The following PKP1 variants were observed in gnomAD, a reference collection of about 807,000 sequenced individuals.
PKP1 encodes plakophilin 1.
PKP1 carries 27 observed loss-of-function variants against 76.4 expected under a neutral mutation model. The observed-to-expected ratio is 0.35, with a 90% CI of 0.26 to 0.49. The LOEUF is 0.49. Ranked by LOEUF, PKP1 falls within the 20% of genes least tolerant of loss-of-function variation. PKP1 has a pLI of 0.99. For missense variants in PKP1, 964 were observed against 955.2 expected, an observed-to-expected ratio of 1.01 and a Z score of -0.12; for synonymous variants, 404 against 384.2, an observed-to-expected ratio of 1.05 and a Z score of -0.60.
chr1:201,317,439 T>C lies in PKP1; in HGVS notation c.847-133T>C, dbSNP rs1571557669. 5.8e-5 allele frequency: 46 copies of C among 793,938 alleles called. No homozygotes were observed. The East Asian group carries it at 1.2e-3, about 21-fold the overall frequency. The allele number at this position is 793,938 out of a possible 1,614,324, so 49.2% of individuals were successfully genotyped here. A position where few individuals can be genotyped will look rare whatever the true frequency, so the allele number is the denominator to read the frequency against. On this transcript the variant is annotated intron_variant, in intron 4 of 13. Transcript: ENST00000367324. Reference sequence around the variant, plus strand: ...TTATCATGACCTCACACTGCTTATTTATTTTGGTTGACTTGAATATTTCTG... The same window carrying C: ...TTATCATGACCTCACACTGCTTATTCATTTTGGTTGACTTGAATATTTCTG...
chr1:201,283,509 G>T lies in PKP1; in HGVS notation c.-194G>T. 1.5e-6 allele frequency: 1 copy of T among 647,196 alleles called. No homozygotes were observed. The highest frequency in any genetic ancestry group is 2.8e-6 in the Non-Finnish European group (1 of 358,388). The allele number at this position is 647,196 out of a possible 1,614,324, so 40.1% of individuals were successfully genotyped here. On this transcript the variant is annotated 5_prime_UTR_variant, in exon 1 of 14. Coordinates refer to ENST00000367324, the MANE Select transcript of PKP1 (RefSeq NM_001005337.3). The stretch of plus-strand genomic sequence containing the variant: ...CTGACGGAGGGCGGGCCTCGCCAGT[G>T]CCAGAGAGGGACGAACCAGGGTGGA...
chr1:201,286,012 G>T (rs1274993013), intron 1 of PKP1, among the ~76,000 whole-genome samples: 1 of 152,240 alleles, frequency 6.6e-6, no homozygotes, highest in Non-Finnish European at 1.5e-5. Flanking sequence ...AGGCGGTTTG[G>T]TCACTTGGAG....
intron 12 of PKP1, 46 bp from the exon 13 acceptor site, chr1:201,328,716 C>T (rs1657222484): frequency 1.3e-6 from 2 of 1,550,050 alleles, no homozygotes; most frequent in African/African-American, 2.7e-5. Flanking sequence ...CCACAGCAAG[C>T]CCCACACAGT....
chr1:201,322,860 G>T (rs1571562352), intron 8 of PKP1, among the ~76,000 whole-genome samples, 153 bp from the exon 9 acceptor site: 1 of 152,194 alleles, frequency 6.6e-6, no homozygotes, highest in Non-Finnish European at 1.5e-5. Flanking sequence ...GTGCAGCGGG[G>T]CTGTCCTGGG....
chr1:201,285,049 AT>A (rs922936776), intron 1 of PKP1, among the ~76,000 whole-genome samples: 4 of 151,978 alleles, frequency 2.6e-5, no homozygotes, highest in African/African-American at 9.7e-5. Flanking sequence ...TTGTTTATTT[AT>A]TTACTTATTT....
intron 6 of PKP1, 50 bp from the exon 7 acceptor site, chr1:201,320,217 T>C: frequency 9.5e-7 from 1 of 1,054,392 alleles, no homozygotes; most frequent in East Asian, 2.7e-5. Flanking sequence ...ACCTTCCCCG[T>C]TCTCTCTTCC....
intron 6 of PKP1, 51 bp from the exon 7 acceptor site, chr1:201,320,216 G>T (rs781773822): frequency 2.9e-6 from 3 of 1,024,674 alleles, no homozygotes; most frequent in East Asian, 2.9e-5. Context: ...CACCTTCCCC[G>T]TTCTCTCTTC....
At chr1:201,329,566 G>A (rs1657255500) in intron 13 of PKP1, among the ~76,000 whole-genome samples, 1 of 152,214 alleles carries the variant, frequency 6.6e-6, no homozygotes, top group Admixed American at 6.5e-5. Context: ...CACCCCTAGA[G>A]AGGGGCCTCA....
At chr1:201,316,325 G>A in intron 3 of PKP1, 1 of 565,504 alleles carries the variant, frequency 1.8e-6, no homozygotes, top group Non-Finnish European at 3.2e-6. Flanking sequence ...TGTGACCAGG[G>A]GCTCACTATT....
chr1:201,316,222 G>A lies in PKP1; in HGVS notation c.702-331G>A. The stretch of plus-strand genomic sequence containing the variant: ...TTTTCCTAATACCAGACACAAACAA[G>A]AGAGATGGCAAGGTAGGTGGGAAGC... On this transcript the variant is annotated intron_variant, in intron 3 of 13. Coordinates refer to ENST00000367324, the MANE Select transcript of PKP1 (RefSeq NM_001005337.3). 3 of 294,048 alleles carry A rather than the reference G, an allele frequency of 1.0e-5. No homozygotes were observed. The South Asian group carries it at 2.0e-4, about 20-fold the overall frequency. 18.2% of individuals were successfully genotyped at this position (294,048 alleles called of 1,614,324 possible).
intron 10 of PKP1, among the ~76,000 whole-genome samples, 169 bp from the exon 11 acceptor site, chr1:201,324,772 G>A (rs899130056): frequency 6.6e-6 from 1 of 152,196 alleles, no homozygotes; most frequent in Non-Finnish European, 1.5e-5. Context: ...ATCTGCAAAA[G>A]TCCTATCTGG....
In PKP1 at chr1:201,323,073, T is replaced by C. The variant is rs752302085; in HGVS notation, c.1564T>C (p.Leu522=). 1 of 1,614,094 alleles carries C rather than the reference T, an allele frequency of 6.2e-7. No homozygotes were observed. Among genetic ancestry groups the C allele is most frequent in the South Asian group, 1.1e-5 (1 of 91,078 alleles). Residue 522 remains leucine, a synonymous_variant, in exon 9 of 14, where the codon TTG becomes CTG. Transcript: ENST00000367324. ...EETNPKGSGW[L]YHSDAIRTYL... ...GACCAACCCCAAGGGCAGCGGCTGG[T>C]TGTACCATTCAGATGCCATCCGCAC...
intron 2 of PKP1, among the ~76,000 whole-genome samples, chr1:201,306,737 C>T (rs919215843): frequency 1.3e-5 from 2 of 152,038 alleles, no homozygotes; most frequent in African/African-American, 4.8e-5. Flanking sequence ...TGCAGTGGCG[C>T]AATCTCAGCT....
At chr1:201,310,974 C>T (rs1656530996) in intron 2 of PKP1, among the ~76,000 whole-genome samples, 1 of 152,230 alleles carries the variant, frequency 6.6e-6, no homozygotes, top group Admixed American at 6.5e-5. Flanking sequence ...CCCAAAGCCT[C>T]TGAGAGGCTC....
intron 2 of PKP1, 77 bp from the exon 3 acceptor site, chr1:201,313,089 C>T (rs1016413742): frequency 1.4e-6 from 2 of 1,438,242 alleles, no homozygotes; most frequent in African/African-American, 2.8e-5. Context: ...CTGGGGAGGG[C>T]TGTATCTCAT....
chr1:201,329,263 T>A (rs2102190449), intron 13 of PKP1, among the ~76,000 whole-genome samples: 1 of 152,342 alleles, frequency 6.6e-6, no homozygotes, highest in South Asian at 2.1e-4. Flanking sequence ...CCTTTTATAA[T>A]TCACTTTCCA....
intron 2 of PKP1, among the ~76,000 whole-genome samples, chr1:201,296,132 A>G (rs1157969660): frequency 6.6e-6 from 1 of 152,140 alleles, no homozygotes; most frequent in Non-Finnish European, 1.5e-5. Context: ...GGCACGTCCC[A>G]TCTCCTTTCA....
chr1:201,301,727 T>G (rs888964928), intron 2 of PKP1, among the ~76,000 whole-genome samples: 1 of 152,088 alleles, frequency 6.6e-6, no homozygotes, highest in African/African-American at 2.4e-5. Context: ...AGTTTCATTT[T>G]GGGCTTTTTT....
Position 201,313,685 on chromosome 1 carries a change from G to A in PKP1, c.701+125G>A. 2.9e-6 allele frequency: 3 copies of A among 1,034,086 alleles called. No individual in the cohort carries two copies. The South Asian group carries it at 5.0e-5, about 17-fold the overall frequency. The allele number at this position is 1,034,086 out of a possible 1,614,324, so 64.1% of individuals were successfully genotyped here. On this transcript the variant is annotated intron_variant, in intron 3 of 13. Transcript: ENST00000367324. ...GAGACATAGCTTCTGTCCCTGGGGA[G>A]TTCATTGCCCCTGGTGTAATGGACT...
Sources: allele counts gnomAD v4.1 joint callset (sites outside exome capture counted in the v4.1 genomes callset), GRCh38; gene constraint gnomAD v4.1.1; transcripts MANE v1.5; gene names NCBI Gene and HGNC (gene_info 2026-07-23, HGNC 2026-07-21).